Variants in CDH13 observed in about 807,000 individuals in gnomAD.
The protein encoded by CDH13 is cadherin 13.
In CDH13, 24 loss-of-function variants were observed where a neutral mutation model predicts 63.8. That is an observed-to-expected ratio of 0.38 (90% CI 0.27 to 0.53). The LOEUF is 0.53. Among genes scored for constraint, CDH13 ranks in the 20% least tolerant of loss-of-function variants. The pLI is 0.85. For missense variants in CDH13, 1,049 were observed against 903.1 expected (o/e 1.16, Z -2.07); for synonymous variants, 503 against 355.3 (o/e 1.42, Z -4.67).
chr16:82,816,584 C>T (rs1051683050), intron 1 of CDH13, among the ~76,000 whole-genome samples: 3 of 151,910 alleles, frequency 2.0e-5, no homozygotes, highest in African/African-American at 7.3e-5. Flanking sequence ...GGTGCCAGGC[C>T]AAGGTAATAG....
intron 2 of CDH13, among the ~76,000 whole-genome samples, chr16:82,981,881 G>A (rs957615995): frequency 7.9e-5 from 12 of 152,008 alleles, no homozygotes; most frequent in African/African-American, 2.9e-4. Context: ...CTGCAGCTTC[G>A]AACACTGTTG....
intron 6 of CDH13, among the ~76,000 whole-genome samples, chr16:83,462,212 C>G (rs1438054805): frequency 6.6e-6 from 1 of 152,224 alleles, no homozygotes. Flanking sequence ...GTGGTCTGTT[C>G]AGCAGGACCT....
intron 10 of CDH13, among the ~76,000 whole-genome samples, chr16:83,723,747 G>C (rs905970711): frequency 1.3e-5 from 2 of 152,172 alleles, no homozygotes; most frequent in Non-Finnish European, 2.9e-5. Context: ...ATGAGAACAG[G>C]AATTTCATGC....
At chr16:82,992,571 C>G (rs181595721) in intron 2 of CDH13, among the ~76,000 whole-genome samples, 31 of 152,168 alleles carry the variant, frequency 2.0e-4, no homozygotes, top group Non-Finnish European at 3.5e-4. Flanking sequence ...TGGAACAATA[C>G]CCCAAGGTCA....
chr16:83,108,751 A>G (rs1191023413), intron 3 of CDH13, among the ~76,000 whole-genome samples: 1 of 152,168 alleles, frequency 6.6e-6, no homozygotes, highest in East Asian at 1.9e-4. Context: ...CAGTTAGAAC[A>G]CATCAGGCCA....
chr16:83,036,787 C>G (rs1215445472), intron 3 of CDH13, among the ~76,000 whole-genome samples: 1 of 152,184 alleles, frequency 6.6e-6, no homozygotes, highest in Admixed American at 6.5e-5. Flanking sequence ...TCTTCTCATT[C>G]TCAGGCAGGA....
intron 7 of CDH13, among the ~76,000 whole-genome samples, chr16:83,498,519 G>A (rs2074199567): frequency 6.6e-6 from 1 of 152,160 alleles, no homozygotes; most frequent in South Asian, 2.1e-4. Flanking sequence ...GTCACCATGT[G>A]TCTTACATAT....
At chr16:83,606,633 A>G (rs1159007119) in intron 8 of CDH13, among the ~76,000 whole-genome samples, 2 of 150,554 alleles carry the variant, frequency 1.3e-5, no homozygotes, top group Non-Finnish European at 3.0e-5. Flanking sequence ...AGGCTGCGGT[A>G]GGAGGATCAT....
intron 3 of CDH13, among the ~76,000 whole-genome samples, chr16:83,037,244 C>G (rs1389929445): frequency 1.3e-5 from 2 of 152,186 alleles, no homozygotes; most frequent in Non-Finnish European, 2.9e-5. Flanking sequence ...CTCACAACCT[C>G]CCTGTGGGGT....
intron 1 of CDH13, among the ~76,000 whole-genome samples, chr16:82,841,862 G>A (rs924909199): frequency 1.3e-5 from 2 of 151,952 alleles, no homozygotes; most frequent in African/African-American, 2.4e-5. Context: ...GTTGTACACA[G>A]CTCTTCACAA....
In CDH13 at chr16:83,171,546, C is replaced by G. The variant is rs761141681; in HGVS notation, c.484-45799C>G. The stretch of plus-strand genomic sequence containing the variant: ...GATGAAGATTTGGCAAGTTCTGTGC[C>G]TAGCACGATGGCTGACATGAGATAA... On this transcript the variant is annotated intron_variant, in intron 4 of 13. Transcript: ENST00000567109. 157 of 1,534,366 alleles carry G rather than the reference C, an allele frequency of 1.0e-4. 2 individuals carry two copies. The highest frequency in any genetic ancestry group is 1.3e-4 in the Non-Finnish European group (145 of 1,145,878).
At chr16:83,140,972 A>G (rs1368533950) in intron 4 of CDH13, among the ~76,000 whole-genome samples, 1 of 152,230 alleles carries the variant, frequency 6.6e-6, no homozygotes, top group Admixed American at 6.5e-5. Context: ...CAATTGCTAA[A>G]CAGACAATTT....
At chr16:82,977,058 A>T (rs1189749297) in intron 2 of CDH13, among the ~76,000 whole-genome samples, 1 of 152,218 alleles carries the variant, frequency 6.6e-6, no homozygotes, top group Non-Finnish European at 1.5e-5. Flanking sequence ...CTCTTATAGA[A>T]TTTTTAAAAC....
intron 4 of CDH13, among the ~76,000 whole-genome samples, chr16:83,146,576 G>C (rs1015437407): frequency 6.6e-6 from 1 of 152,230 alleles, no homozygotes. Flanking sequence ...TTTCAAGAAA[G>C]CAAGATATTT....
At chr16:82,976,848 G>A (rs1419700160) in intron 2 of CDH13, among the ~76,000 whole-genome samples, 1 of 152,116 alleles carries the variant, frequency 6.6e-6, no homozygotes, top group Non-Finnish European at 1.5e-5. Context: ...CATTTCTGTT[G>A]CTCAGGCCGG....
intron 6 of CDH13, among the ~76,000 whole-genome samples, chr16:83,372,749 T>TA (rs35480546): frequency 0.026 from 2,471 of 95,266 alleles, 28 homozygotes; most frequent in Non-Finnish European, 0.033. Context: ...AGACTCGGTC[T>TA]AAAAAAAAAA....
intron 6 of CDH13, among the ~76,000 whole-genome samples, chr16:83,381,115 T>G (rs145358925): frequency 5.9e-4 from 90 of 152,336 alleles, no homozygotes; most frequent in African/African-American, 2.1e-3. Flanking sequence ...TACTTCATGC[T>G]TATTATTTCA....
rs1364113 is a variant in CDH13 at position 83,660,761 on chromosome 16, G to A, written c.1102-10029G>A. ...GATTCAGATGTTGGTGGTCAAATGA[G>A]TATCTCTACAGAAAATCTCTCTGCT... On this transcript the variant is annotated intron_variant, in intron 8 of 13. Transcript: ENST00000567109. Among the ~76,000 whole-genome samples the A allele has an allele frequency of 3.2e-3, 481 of 152,304 alleles. 2 individuals carry two copies. The highest frequency in any genetic ancestry group is 5.2e-3 in the Non-Finnish European group (352 of 68,020).
At chr16:83,664,258 G>A (rs1412965647) in intron 8 of CDH13, among the ~76,000 whole-genome samples, 3 of 152,038 alleles carry the variant, frequency 2.0e-5, no homozygotes. Flanking sequence ...GTCACTTCAG[G>A]GCCTGACTAT....
Sources: allele counts gnomAD v4.1 joint callset (sites outside exome capture counted in the v4.1 genomes callset), GRCh38; gene constraint gnomAD v4.1.1; transcripts MANE v1.5; gene names NCBI Gene and HGNC (gene_info 2026-07-23, HGNC 2026-07-21).